ANO3: variants seen among roughly 807,000 people sequenced by gnomAD.
ANO3 encodes anoctamin-3.
A neutral mutation model predicts 144.8 loss-of-function variants in ANO3; 99 were observed. The observed-to-expected ratio is 0.68, with a 90% CI of 0.58 to 0.81. The LOEUF is 0.81. Among genes scored for constraint, ANO3 ranks in the 30% least tolerant of loss-of-function variants. ANO3 has a pLI of 0.00. For missense variants in ANO3, 905 were observed against 1,202.2 expected (o/e 0.75, Z 3.66); for synonymous variants, 414 against 392.6 (o/e 1.05, Z -0.64).
At chr11:26,225,309 A>G (rs1347761869) in intron 1 of ANO3, among the ~76,000 whole-genome samples, 2 of 146,742 alleles carry the variant, frequency 1.4e-5, no homozygotes, top group Non-Finnish European at 3.0e-5. Flanking sequence ...ACAAGATTAT[A>G]AATATAATAT....
Position 26,233,251 on chromosome 11 carries a change from G to GA in ANO3, c.154+43928dup, listed in dbSNP as rs527505892. On this transcript the variant is annotated intron_variant, in intron 1 of 27. Coordinates refer to the ANO3 transcript ENST00000672621. ...AAAAGAAAAGAAAAGAAATTTACTA[G>GA]AAAAAAACAGCCCCATCAAAAAGTG... Among the ~76,000 whole-genome samples, 742 of 150,848 alleles carry GA rather than the reference G, an allele frequency of 4.9e-3. 4 individuals are homozygous for GA. Among genetic ancestry groups the GA allele is most frequent in the Non-Finnish European group, 8.4e-3 (569 of 67,632 alleles).
intron 17 of ANO3, among the ~76,000 whole-genome samples, chr11:26,609,973 G>A (rs1384191082): frequency 2.6e-5 from 4 of 152,296 alleles, no homozygotes; most frequent in African/African-American, 4.8e-5. Flanking sequence ...CTGCAATGGC[G>A]CGATCTCAGC....
chr11:26,629,299 C>T (rs947706161), intron 18 of ANO3, among the ~76,000 whole-genome samples: 2 of 152,110 alleles, frequency 1.3e-5, no homozygotes, highest in African/African-American at 4.8e-5. Context: ...TATCAGAGCT[C>T]GCCTCTGTGA....
chr11:26,656,083 G>A (rs188269981), intron 24 of ANO3, 42 bp from the exon 25 acceptor site: 28 of 1,420,462 alleles, frequency 2.0e-5, no homozygotes, highest in Middle Eastern at 1.8e-4. Context: ...GGCTAGAAAC[G>A]TATGAATCTT....
At chr11:26,589,309 T>G (rs2132885936) in intron 14 of ANO3, among the ~76,000 whole-genome samples, 1 of 140,502 alleles carries the variant, frequency 7.1e-6, no homozygotes, top group South Asian at 2.2e-4. Context: ...TCATAAAAGG[T>G]AAGAAAATGC....
At chr11:26,239,283 G>A (rs2133809511) in intron 1 of ANO3, among the ~76,000 whole-genome samples, 1 of 152,168 alleles carries the variant, frequency 6.6e-6, no homozygotes, top group Non-Finnish European at 1.5e-5. Flanking sequence ...GCAAGCTGTT[G>A]ACCTCCCTTT....
intron 1 of ANO3, among the ~76,000 whole-genome samples, chr11:26,375,276 G>A (rs1205125777): frequency 1.3e-5 from 2 of 152,146 alleles, no homozygotes; most frequent in Non-Finnish European, 1.5e-5. Flanking sequence ...TGATCTGACA[G>A]GAGGTGGAGC....
At chr11:26,406,594 T>C (rs1216939279) in intron 1 of ANO3, among the ~76,000 whole-genome samples, 3 of 151,546 alleles carry the variant, frequency 2.0e-5, no homozygotes, top group African/African-American at 4.8e-5. Flanking sequence ...ACATAAGACA[T>C]ATCATTAACT....
intron 20 of ANO3, among the ~76,000 whole-genome samples, chr11:26,638,319 G>C (rs1253720973): frequency 6.6e-6 from 1 of 152,182 alleles, no homozygotes; most frequent in Non-Finnish European, 1.5e-5. Context: ...ATATATCCCT[G>C]ATACGATGTG....
At chr11:26,227,975 T>A (rs1294757873) in intron 1 of ANO3, among the ~76,000 whole-genome samples, 1 of 152,176 alleles carries the variant, frequency 6.6e-6, no homozygotes, top group African/African-American at 2.4e-5. Flanking sequence ...GCCTACCTAT[T>A]AAAATCTAAT....
At chr11:26,522,722 T>C (rs1424490543) in intron 6 of ANO3, among the ~76,000 whole-genome samples, 1 of 152,114 alleles carries the variant, frequency 6.6e-6, no homozygotes, top group Non-Finnish European at 1.5e-5. Context: ...ATTGAAAATA[T>C]AAAAACAAAA....
intron 23 of ANO3, 30 bp downstream of exon 23, chr11:26,643,364 G>A (rs756820576): frequency 2.6e-5 from 42 of 1,612,276 alleles, no homozygotes; most frequent in Admixed American, 3.3e-5. Flanking sequence ...TGATTTTTAC[G>A]TTGCTAACAC....
chr11:26,328,456 T>C (rs1465745990), upstream of ANO3, among the ~76,000 whole-genome samples: 1 of 152,208 alleles, frequency 6.6e-6, no homozygotes, highest in Non-Finnish European at 1.5e-5. Flanking sequence ...AAGGCAGTGA[T>C]TCATGACCCA....
intron 1 of ANO3, among the ~76,000 whole-genome samples, chr11:26,216,908 A>G (rs1186086367): frequency 6.6e-6 from 1 of 151,988 alleles, no homozygotes; most frequent in Non-Finnish European, 1.5e-5. Context: ...GTTTTTAATC[A>G]TGTGGTGAGT....
Position 26,309,852 on chromosome 11 carries a change from T to C in ANO3, c.-3+133T>C, listed in dbSNP as rs559065496. ...TTTAGTCTCATGTTAATAATTACCA[T>C]ATGTGACATTTAGCTCATCATGCAC... On this transcript the variant is annotated intron_variant, in intron 1 of 26. Coordinates refer to the ANO3 transcript ENST00000525139. 1.3e-4 allele frequency: 26 copies of C among 207,292 alleles called. No individual in the cohort carries two copies. In the East Asian group the frequency reaches 4.3e-3, roughly 34 times the overall value. The allele number at this position is 207,292 out of a possible 1,614,324, so 12.8% of individuals were successfully genotyped here.
chr11:26,270,925 T>C (rs1853425308), intron 1 of ANO3, among the ~76,000 whole-genome samples: 1 of 152,148 alleles, frequency 6.6e-6, no homozygotes, highest in Admixed American at 6.5e-5. Flanking sequence ...AAGAAGTCTC[T>C]GGGAAAGACA....
At chr11:26,468,246 G>A (rs192869287) in intron 4 of ANO3, among the ~76,000 whole-genome samples, 12 of 151,904 alleles carry the variant, frequency 7.9e-5, no homozygotes, top group African/African-American at 2.7e-4. Flanking sequence ...TAGCTCTTTC[G>A]GTCTCAGCTG....
chr11:26,239,062 A>G (rs1852597327), intron 1 of ANO3, among the ~76,000 whole-genome samples: 1 of 149,980 alleles, frequency 6.7e-6, no homozygotes, highest in South Asian at 2.1e-4. Context: ...TATTAATTAT[A>G]ATTTGGATTA....
At chr11:26,451,173 T>C (rs902479435) in intron 3 of ANO3, among the ~76,000 whole-genome samples, 2 of 152,238 alleles carry the variant, frequency 1.3e-5, no homozygotes, top group Middle Eastern at 3.4e-3. Flanking sequence ...AGACAGGTGA[T>C]TTCTGCATTT....
Sources: allele counts gnomAD v4.1 joint callset (sites outside exome capture counted in the v4.1 genomes callset), GRCh38; gene constraint gnomAD v4.1.1; transcripts MANE v1.5; gene names NCBI Gene and HGNC (gene_info 2026-07-23, HGNC 2026-07-21).